Variants in NCOR1 observed in about 807,000 individuals in gnomAD.
NCOR1 encodes the protein nuclear receptor corepressor 1, also known as protein phosphatase 1, regulatory subunit 109.
Under a neutral mutation model 288.1 loss-of-function variants are expected in NCOR1, and 63 were observed. That is an observed-to-expected ratio of 0.22 (90% confidence interval 0.18 to 0.27). The LOEUF is 0.27. NCOR1 is among the 10% of genes least tolerant of loss of function. The pLI is 1.00. For synonymous variants in NCOR1, 1,007 were observed against 1,065.9 expected, an observed-to-expected ratio of 0.94 and a Z score of 1.08; for missense variants, 2,397 against 3,019.2, an observed-to-expected ratio of 0.79 and a Z score of 4.83.
chr17:16,070,189 G>A lies in NCOR1; in HGVS notation c.4489C>T (p.Pro1497Ser), dbSNP rs1396271235. 2 of 1,612,942 alleles carry A rather than the reference G, an allele frequency of 1.2e-6. No homozygotes were observed. The highest frequency in any genetic ancestry group is 1.7e-6 in the Non-Finnish European group (2 of 1,179,662). Residue 1497 changes from proline to serine, a missense_variant, in exon 31 of 46, where the codon CCC becomes TCC. Transcript: ENST00000268712. ...CCATCAGAAGTTCTGTTCATCATGG[G>A]TGAGCCTCTGGACATGGTGTTTTGA... ...SYQNTMSRGS[P>S]MMNRTSDVTI...
chr17:16,171,380 T>G (rs1229466874), intron 4 of NCOR1, among the ~76,000 whole-genome samples: 1 of 152,182 alleles, frequency 6.6e-6, no homozygotes, highest in Non-Finnish European at 1.5e-5. Context: ...ATATGCACAA[T>G]TCAACCTTAC....
At chr17:16,110,355 A>T (rs1433708554) in intron 18 of NCOR1, among the ~76,000 whole-genome samples, 1 of 152,082 alleles carries the variant, frequency 6.6e-6, no homozygotes, top group Non-Finnish European at 1.5e-5. Flanking sequence ...CTCGTTCAAA[A>T]AAAAAACAAA....
At chr17:16,044,838 G>C in intron 42 of NCOR1, 1 of 1,039,954 alleles carries the variant, frequency 9.6e-7, no homozygotes. Flanking sequence ...CCAGCAGCTG[G>C]TGCTGCACCA....
chr17:16,167,241 C>T (rs1187638537), intron 4 of NCOR1, among the ~76,000 whole-genome samples: 1 of 152,116 alleles, frequency 6.6e-6, no homozygotes, highest in South Asian at 2.1e-4. Flanking sequence ...CAAGAAACCA[C>T]ATCCTCAAGT....
At chr17:16,106,872 TATATATA>T (rs1351686949) in intron 19 of NCOR1, among the ~76,000 whole-genome samples, 24 of 55,648 alleles carry the variant, frequency 4.3e-4, no homozygotes, top group African/African-American at 2.1e-3. Flanking sequence ...TATATATATA[TATATATA>T]TATATTTTTT....
intron 2 of NCOR1, among the ~76,000 whole-genome samples, chr17:16,192,413 T>C (rs1568587564): frequency 6.6e-6 from 1 of 152,182 alleles, no homozygotes; most frequent in Admixed American, 6.5e-5. Context: ...CCCAGCGCTT[T>C]GGAAGGCCGA....
chr17:16,044,324 C>CT (rs2058288612), intron 42 of NCOR1: 2 of 463,244 alleles, frequency 4.3e-6, no homozygotes, highest in Admixed American at 4.8e-5. Context: ...AGTGGTGACA[C>CT]TGGCTCATCC....
chr17:16,058,305 T>C lies in NCOR1; in HGVS notation c.6010+166A>G. ...TTAATATAAACAATTTTCTGTATCA[T>C]TAAAAAATAAAAAAGAATCGATTGC... On this transcript the variant is annotated intron_variant, in intron 38 of 45. Coordinates refer to ENST00000268712, the MANE Select transcript of NCOR1 (RefSeq NM_006311.4). 3 of 1,001,972 alleles carry C rather than the reference T, an allele frequency of 3.0e-6. No individual in the cohort carries two copies. The South Asian group carries it at 6.3e-5, about 21-fold the overall frequency. 62.1% of individuals were successfully genotyped at this position (1,001,972 alleles called of 1,614,324 possible). A position where few individuals can be genotyped will look rare whatever the true frequency, so the allele number is the denominator to read the frequency against.
intron 1 of NCOR1, among the ~76,000 whole-genome samples, chr17:16,205,262 C>G (rs966778968): frequency 6.6e-6 from 1 of 151,670 alleles, no homozygotes; most frequent in Non-Finnish European, 1.5e-5. Flanking sequence ...ATGTAGAGAA[C>G]TTTTTAACCT....
chr17:16,058,152 C>T, intron 38 of NCOR1, 88 bp from the exon 39 acceptor site: 5 of 1,430,084 alleles, frequency 3.5e-6, no homozygotes, highest in Non-Finnish European at 4.9e-6. Context: ...AGAAGAACAC[C>T]TGAAAGGATG....
rs777104247 is a variant in NCOR1, at chr17:16,117,913, T to C, written c.2030A>G (p.Asn677Ser). The C allele has an allele frequency of 1.7e-5, 28 of 1,613,918 alleles. No homozygotes were observed. The highest frequency in any genetic ancestry group is 2.1e-5 in the Non-Finnish European group (25 of 1,180,002). Residue 677 changes from asparagine to serine, a missense_variant, in exon 18 of 46, where the codon AAC (asparagine) becomes AGC (serine). By Grantham distance (46) the Asn-to-Ser change is conservative. Around this residue, in one of 11 missense-constraint regions of NCOR1, gnomAD observed 24 missense variants for 84.3 expected, o/e 0.28. Transcript: ENST00000268712. Reference protein sequence around the residue: ...FNYKRRHNLDNLLQQHKQKTS... With the variant: ...FNYKRRHNLDSLLQQHKQKTS... ...TTTCTGTTTATGCTGCTGTAAGAGG[T>C]TGTCAAGATTGTGTCGCCTTTTATA... is the stretch of plus-strand genomic sequence containing the variant.
chr17:16,117,282 A>C (rs956431660), intron 18 of NCOR1, among the ~76,000 whole-genome samples: 1 of 152,172 alleles, frequency 6.6e-6, no homozygotes, highest in Non-Finnish European at 1.5e-5. Flanking sequence ...AAGAGTATTT[A>C]ATTCCCTTTA....
At chr17:16,141,089 A>G (rs867120216) in intron 11 of NCOR1, among the ~76,000 whole-genome samples, 12 of 152,060 alleles carry the variant, frequency 7.9e-5, no homozygotes, top group African/African-American at 2.9e-4. Flanking sequence ...TTTAGCAATG[A>G]TAACATCATA....
chr17:16,214,528 C>A (rs913283940), intron 1 of NCOR1, among the ~76,000 whole-genome samples: 1 of 152,170 alleles, frequency 6.6e-6, no homozygotes, highest in Non-Finnish European at 1.5e-5. Context: ...ATTAGAATTA[C>A]CTATACTACT....
chr17:16,203,281 G>C (rs1377877920), intron 1 of NCOR1, among the ~76,000 whole-genome samples: 2 of 152,268 alleles, frequency 1.3e-5, no homozygotes, highest in Admixed American at 6.5e-5. Context: ...AAGTACTTAC[G>C]ATGACCCAAG....
chr17:16,188,013 G>A (rs1410229202), intron 2 of NCOR1, among the ~76,000 whole-genome samples: 1 of 152,080 alleles, frequency 6.6e-6, no homozygotes, highest in African/African-American at 2.4e-5. Flanking sequence ...ACTGCTATTA[G>A]TTATGGGGTT....
chr17:16,051,443 C>T (rs541974111), intron 40 of NCOR1, among the ~76,000 whole-genome samples: 1 of 152,208 alleles, frequency 6.6e-6, no homozygotes, highest in East Asian at 1.9e-4. Flanking sequence ...TTTTTTTAAA[C>T]TAATGAGAAC....
intron 44 of NCOR1, among the ~76,000 whole-genome samples, chr17:16,036,395 G>A (rs1284776055): frequency 6.6e-6 from 1 of 152,158 alleles, no homozygotes; most frequent in African/African-American, 2.4e-5. Flanking sequence ...AAGTGGCCTA[G>A]GATTTTCAGA....
intron 42 of NCOR1, among the ~76,000 whole-genome samples, chr17:16,042,640 T>C (rs552364462): frequency 3.3e-5 from 5 of 152,228 alleles, no homozygotes; most frequent in South Asian, 4.2e-4. Context: ...GAATGGAAGG[T>C]AGACATGTGA....
Sources: allele counts gnomAD v4.1 joint callset (sites outside exome capture counted in the v4.1 genomes callset), GRCh38; gene constraint gnomAD v4.1.1; regional missense constraint gnomAD v4.1.1; transcripts MANE v1.5; gene names NCBI Gene and HGNC (gene_info 2026-07-23, HGNC 2026-07-21).